GTF2I: variants seen among roughly 807,000 people sequenced by gnomAD.
The protein encoded by GTF2I is general transcription factor II-I.
Under a neutral mutation model 67.6 loss-of-function variants are expected in GTF2I, and 12 were observed. The ratio of observed to expected loss-of-function variants is 0.18; its 90% confidence interval spans 0.11 to 0.29. The LOEUF is 0.29. Ranked by LOEUF, GTF2I falls within the 10% of genes least tolerant of loss-of-function variation. The probability of loss-of-function intolerance (pLI) is 1.00; values close to 1 mark genes in which losing one functional copy is unlikely to be tolerated. For synonymous variants in GTF2I, 149 were observed against 197.0 expected (o/e 0.76, Z 2.04); for missense variants, 271 against 580.1 (o/e 0.47, Z 5.47).
At chr7:74,723,428 C>CTTTTTTTTTTTTTTTTTTTTTTTTT (rs58149301) in intron 12 of GTF2I, among the ~76,000 whole-genome samples, 1 of 61,090 alleles carries the variant, frequency 1.6e-5, no homozygotes, top group African/African-American at 8.3e-5. Flanking sequence ...CTCCCGGCCT[C>CTTTTTTTTTTTTTTTTTTTTTTTTT]TTTTTTTTTT....
intron 1 of GTF2I, among the ~76,000 whole-genome samples, chr7:74,662,805 C>T (rs782438679): frequency 6.6e-6 from 1 of 151,950 alleles, no homozygotes; most frequent in Non-Finnish European, 1.5e-5. Flanking sequence ...TACAGGCGCC[C>T]TGTGATTTTT....
At chr7:74,659,310 C>T (rs1461359461) in intron 1 of GTF2I, among the ~76,000 whole-genome samples, 1 of 152,114 alleles carries the variant, frequency 6.6e-6, no homozygotes, top group Non-Finnish European at 1.5e-5. Context: ...ACATTGCAGC[C>T]TCCAACACCT....
chr7:74,680,182 ATATT>A (rs1181145926), intron 1 of GTF2I, among the ~76,000 whole-genome samples: 17 of 145,746 alleles, frequency 1.2e-4, no homozygotes, highest in Admixed American at 2.1e-4. Flanking sequence ...ATAATTTTAT[ATATT>A]TATTTATATA....
intron 3 of GTF2I, among the ~76,000 whole-genome samples, chr7:74,691,701 A>G (rs903789425): frequency 6.6e-6 from 1 of 152,130 alleles, no homozygotes; most frequent in African/African-American, 2.4e-5. Context: ...AATGAGATGC[A>G]TTAGAGAGAA....
Position 74,714,878 on chromosome 7 carries a change from A to G in GTF2I, c.785A>G (p.Asp262Gly). Reference protein sequence around the residue: ...NIQAGPSETDDVDEKQPLSKP... With the variant: ...NIQAGPSETDGVDEKQPLSKP... The stretch of plus-strand genomic sequence containing the variant: ...AAAGCAGGCCCTTCTGAAACTGATG[A>G]TGTTGATGAAAAACAGCCCCTATCG... Residue 262 changes from aspartate to glycine, a missense_variant, in exon 10 of 35, where the codon GAT (aspartate) becomes GGT (glycine). Transcript: ENST00000573035. The G allele has an allele frequency of 6.2e-7, 1 of 1,607,718 alleles. No individual in the cohort carries two copies. The highest frequency in any genetic ancestry group is 1.7e-5 in the Admixed American group (1 of 59,522).
At chr7:74,758,069 TA>T in intron 33 of GTF2I, 69 bp downstream of exon 33, 9 of 233,066 alleles carry the variant, frequency 3.9e-5, no homozygotes, top group Middle Eastern at 1.4e-3. Context: ...TTTTTTTTTT[TA>T]AAGACAGAGA....
At chr7:74,693,445 T>C (rs973233998) in intron 3 of GTF2I, among the ~76,000 whole-genome samples, 7 of 151,800 alleles carry the variant, frequency 4.6e-5, no homozygotes, top group African/African-American at 1.7e-4. Flanking sequence ...CGCACACATA[T>C]AATATGGCAA....
chr7:74,750,675 T>C (rs1183255406), intron 26 of GTF2I, among the ~76,000 whole-genome samples: 2 of 82,392 alleles, frequency 2.4e-5, no homozygotes, highest in East Asian at 7.9e-4. Context: ...GTGTGTGATA[T>C]CGGCTTACTG....
chr7:74,681,468 T>G (rs76227049), intron 1 of GTF2I, among the ~76,000 whole-genome samples: 1 of 150,950 alleles, frequency 6.6e-6, no homozygotes, highest in Non-Finnish European at 1.5e-5. Flanking sequence ...GAAAAAAAAA[T>G]GGGAAAGAAG....
chr7:74,688,281 G>C (rs1787922659), intron 1 of GTF2I, among the ~76,000 whole-genome samples: 1 of 152,118 alleles, frequency 6.6e-6, no homozygotes, highest in African/African-American at 2.4e-5. Context: ...GTTTTGCCAT[G>C]TTGGCCAGGC....
chr7:74,660,129 G>A (rs1390125215), intron 1 of GTF2I, among the ~76,000 whole-genome samples: 2 of 151,312 alleles, frequency 1.3e-5, no homozygotes, highest in East Asian at 3.9e-4. Context: ...ACATTTTTCA[G>A]CCTATGGAAA....
intron 3 of GTF2I, among the ~76,000 whole-genome samples, chr7:74,695,404 A>G (rs1554398110): frequency 6.6e-6 from 1 of 152,158 alleles, no homozygotes; most frequent in East Asian, 1.9e-4. Flanking sequence ...TAACTTTTAT[A>G]TGCATTGGGA....
intron 1 of GTF2I, among the ~76,000 whole-genome samples, chr7:74,684,330 C>T (rs1787506591): frequency 6.6e-6 from 1 of 152,222 alleles, no homozygotes. Context: ...CAACTGAGTA[C>T]AGCCCCCAGG....
At position 74,715,050 on chromosome 7, in the gene GTF2I, CTTTT is replaced by C. The variant is rs140756201; in HGVS notation, c.823+138_823+141del. ...TGGAAAAGGAAAAAAATGTATTGGC[CTTTT>C]TTTAACATATAAATGAACTTCACAA... On this transcript the variant is annotated intron_variant, in intron 10 of 34. Transcript: ENST00000573035. 876 of 492,048 alleles carry C rather than the reference CTTTT, an allele frequency of 1.8e-3. 16 individuals are homozygous for C. The East Asian group carries it at 0.026, about 15-fold the overall frequency. The allele number at this position is 492,048 out of a possible 1,614,324, so 30.5% of individuals were successfully genotyped here.
intron 1 of GTF2I, among the ~76,000 whole-genome samples, chr7:74,658,285 G>C (rs1372743574): frequency 6.7e-6 from 1 of 150,088 alleles, no homozygotes; most frequent in Non-Finnish European, 1.5e-5. Context: ...AGCCCCGCCG[G>C]CCTTGGCAGT....
intron 8 of GTF2I, among the ~76,000 whole-genome samples, chr7:74,707,745 C>T (rs1236539104): frequency 2.0e-5 from 3 of 152,070 alleles, no homozygotes; most frequent in African/African-American, 7.2e-5. Flanking sequence ...AATGTTTCCC[C>T]TTAATTCATA....
At chr7:74,712,032 CT>C (rs2131402077) in intron 9 of GTF2I, among the ~76,000 whole-genome samples, 1 of 151,436 alleles carries the variant, frequency 6.6e-6, no homozygotes, top group Non-Finnish European at 1.5e-5. Context: ...TCACTGCAAC[CT>C]CCACCTCCCA....
At chr7:74,680,945 C>A (rs1049923945) in intron 1 of GTF2I, among the ~76,000 whole-genome samples, 2 of 152,168 alleles carry the variant, frequency 1.3e-5, no homozygotes, top group Non-Finnish European at 2.9e-5. Flanking sequence ...GGATTTCAAA[C>A]AATGGCTAGA....
chr7:74,720,363 A>C (rs1253787829), intron 12 of GTF2I, among the ~76,000 whole-genome samples: 1 of 152,132 alleles, frequency 6.6e-6, no homozygotes, highest in Non-Finnish European at 1.5e-5. Flanking sequence ...GACTACTCCA[A>C]ACTACTCAAC....
Sources: allele counts gnomAD v4.1 joint callset (sites outside exome capture counted in the v4.1 genomes callset), GRCh38; gene constraint gnomAD v4.1.1; transcripts MANE v1.5; gene names NCBI Gene and HGNC (gene_info 2026-07-23, HGNC 2026-07-21).